The following CAPN15 variants were observed in gnomAD, a reference collection of about 807,000 sequenced individuals.
CAPN15 encodes the protein calpain-15.
CAPN15 carries 53 observed loss-of-function variants against 97.9 expected under a neutral mutation model. That is an observed-to-expected ratio of 0.54 (90% CI 0.43 to 0.68). The LOEUF (loss-of-function observed/expected upper bound fraction) is 0.68, where lower values mean the gene tolerates loss of function less well. Among genes scored for constraint, CAPN15 ranks in the 30% least tolerant of loss-of-function variants. CAPN15 has a pLI of 0.00. For missense variants in CAPN15, 1,592 were observed against 1,589.8 expected (o/e 1.00, Z -0.02); for synonymous variants, 922 against 722.5 (o/e 1.28, Z -4.43).
chr16:530,806 A>G (rs1418736015), intron 1 of CAPN15, among the ~76,000 whole-genome samples: 1 of 152,226 alleles, frequency 6.6e-6, no homozygotes, highest in African/African-American at 2.4e-5. Flanking sequence ...GAGCTGCGTC[A>G]GGCTGTTGCT....
In CAPN15 at chr16:536,013, C is replaced by A. The variant is rs963349983; in HGVS notation, c.-136-16C>A. 28 of 268,850 alleles carry A rather than the reference C, an allele frequency of 1.0e-4. 3 individuals are homozygous for A. The highest frequency in any genetic ancestry group is 5.8e-4 in the African/African-American group (17 of 29,324). 16.7% of individuals were successfully genotyped at this position (268,850 alleles called of 1,614,324 possible). The stretch of plus-strand genomic sequence containing the variant: ...ACAGTGCCCCTGCACGCCCCCCCCC[C>A]CCCCCGGTTATTCAGACAGGGAGCC... On this transcript the variant is annotated splice_polypyrimidine_tract_variant and intron_variant, in intron 2 of 13. Transcript: ENST00000219611.
intron 1 of CAPN15, among the ~76,000 whole-genome samples, chr16:529,640 G>A (rs1200088526): frequency 6.6e-6 from 1 of 152,104 alleles, no homozygotes; most frequent in Non-Finnish European, 1.5e-5. Context: ...TGGTGGCCGA[G>A]TTGCCCCTGG....
intron 4 of CAPN15, among the ~76,000 whole-genome samples, chr16:548,553 G>A (rs976623501): frequency 6.6e-6 from 1 of 152,262 alleles, no homozygotes; most frequent in African/African-American, 2.4e-5. Flanking sequence ...AGGGCCCCGA[G>A]CCCCGTCTGA....
At chr16:550,515 A>C (rs1055140503) in intron 7 of CAPN15, among the ~76,000 whole-genome samples, 12 of 152,206 alleles carry the variant, frequency 7.9e-5, no homozygotes, top group African/African-American at 2.9e-4. Flanking sequence ...CTTGGTGGCA[A>C]GGTCGCGGCC....
At chr16:549,863 C>A (rs762570880) in intron 7 of CAPN15, 25 bp downstream of exon 7, 34 of 1,526,724 alleles carry the variant, frequency 2.2e-5, no homozygotes, top group Non-Finnish European at 2.8e-5. Flanking sequence ...ACTGCGTGGT[C>A]AGCCGCGTTG....
At chr16:543,270 C>T (rs1474096796) in intron 3 of CAPN15, 1 of 154,690 alleles carries the variant, frequency 6.5e-6, no homozygotes, top group Non-Finnish European at 1.5e-5. Flanking sequence ...AGTTTCAGAC[C>T]TCGGGATGGC....
chr16:530,203 A>AC (rs1304676356), intron 1 of CAPN15, among the ~76,000 whole-genome samples: 1 of 152,166 alleles, frequency 6.6e-6, no homozygotes, highest in Admixed American at 6.5e-5. Context: ...CTGGCTCCCC[A>AC]CTGTGGGATC....
rs368119720 is a variant in CAPN15 at position 546,850 on chromosome 16, C to A, written c.12C>A (p.Val4=). 3.1e-6 allele frequency: 5 copies of A among 1,607,410 alleles called. No homozygotes were observed. The highest frequency in any genetic ancestry group is 2.7e-5 in the African/African-American group (2 of 74,906). The part of the protein sequence containing the change: MAT[V]GEWSCVRCTF... ...ACTCGCCCGGGTCTATGGCCACGGT[C>A]GGAGAGTGGTCCTGTGTGCGCTGCA... The change falls in exon 4 of 14, where the codon GTC becomes GTA. Residue 4 remains valine (V), a synonymous_variant. Coordinates refer to ENST00000219611, the MANE Select transcript of CAPN15 (RefSeq NM_005632.3).
chr16:539,302 G>A (rs564547769), intron 3 of CAPN15: 1 of 152,432 alleles, frequency 6.6e-6, no homozygotes, highest in East Asian at 1.9e-4. Context: ...AGCCTGCCGG[G>A]ACGCCATCTT....
intron 3 of CAPN15, among the ~76,000 whole-genome samples, chr16:544,134 G>A (rs979295879): frequency 3.3e-5 from 5 of 152,158 alleles, no homozygotes; most frequent in African/African-American, 7.2e-5. Context: ...GCTGACCGGC[G>A]CCGGGCTGTG....
intron 3 of CAPN15, 143 bp from the exon 4 acceptor site, chr16:546,674 G>C (rs1209318196): frequency 9.6e-6 from 11 of 1,143,552 alleles, no homozygotes; most frequent in Non-Finnish European, 1.3e-5. Context: ...CCCCACCGCC[G>C]CCTGCCTCAA....
Position 535,541 on chromosome 16 carries a change from C to T in CAPN15, c.-136-488C>T, listed in dbSNP as rs1302207863. Among the ~76,000 whole-genome samples the T allele has an allele frequency of 6.6e-6, 1 of 152,176 alleles. No homozygotes were observed. Among genetic ancestry groups the T allele is most frequent in the African/African-American group, 2.4e-5 (1 of 41,442 alleles). ...TTCTCTGAGGCTGGATCTAGGCCAC[C>T]GCCCCGTTTAAAACTAGGGCATCGG... On this transcript the variant is annotated intron_variant, in intron 2 of 13. Transcript: ENST00000219611. The surrounding 1 kb of genome is among the most constrained non-coding windows in gnomAD (Gnocchi z 6.2).
Position 554,322 on chromosome 16 carries a change from T to G in CAPN15, c.*806T>G, listed in dbSNP as rs940625353. ...ACCTCCCCACAGAAGCCCAGGAGTG[T>G]GTGGACGTCTGAGCCCAGCTTTCTG... is the stretch of plus-strand genomic sequence containing the variant. On this transcript the variant is annotated 3_prime_UTR_variant, in exon 14 of 14. Coordinates refer to ENST00000219611, the MANE Select transcript of CAPN15 (RefSeq NM_005632.3). 1 of 363,922 alleles carries G rather than the reference T, an allele frequency of 2.7e-6. No individual in the cohort carries two copies. The highest frequency in any genetic ancestry group is 2.1e-5 in the African/African-American group (1 of 46,816). 22.5% of individuals were successfully genotyped at this position (363,922 alleles called of 1,614,324 possible).
chr16:533,084 G>A lies in CAPN15; in HGVS notation c.-189-862G>A, dbSNP rs571722345. Among the ~76,000 whole-genome samples the A allele has an allele frequency of 9.2e-5, 14 of 152,124 alleles. No homozygotes were observed. In the South Asian group the frequency reaches 1.2e-3, roughly 14 times the overall value. Reference sequence around the variant, plus strand: ...AAAAATACAAAAATTAGCTGGGCACGGTGGCGGGCGCCTGTAATCCGAGCT... The same window carrying A: ...AAAAATACAAAAATTAGCTGGGCACAGTGGCGGGCGCCTGTAATCCGAGCT... On this transcript the variant is annotated intron_variant, in intron 1 of 13. Coordinates refer to ENST00000219611, the MANE Select transcript of CAPN15 (RefSeq NM_005632.3).
chr16:535,893 G>A lies in CAPN15; in HGVS notation c.-136-136G>A. 6.2e-6 allele frequency: 1 copy of A among 160,758 alleles called. No individual in the cohort carries two copies. The highest frequency in any genetic ancestry group is 1.3e-5 in the Non-Finnish European group (1 of 75,876). 10.0% of individuals were successfully genotyped at this position (160,758 alleles called of 1,614,324 possible). On this transcript the variant is annotated intron_variant, in intron 2 of 13. Coordinates refer to ENST00000219611, the MANE Select transcript of CAPN15 (RefSeq NM_005632.3). This position sits in a 1 kb window ranked among gnomAD's most constrained non-coding sequence, Gnocchi z 6.2. ...GCCCTACAGGAGCAGCAGCGGCCCAGGGCATGTCCCTGGGGTCAGGGGTCA... is the reference window on the plus strand; with the variant it reads ...GCCCTACAGGAGCAGCAGCGGCCCAAGGCATGTCCCTGGGGTCAGGGGTCA...
rs1346714170 is a variant in CAPN15, at chr16:551,498, C to T, written c.2193-14C>T. 1.4e-5 allele frequency: 23 copies of T among 1,607,308 alleles called. No individual in the cohort carries two copies. Among genetic ancestry groups the T allele is most frequent in the Middle Eastern group, 1.6e-4 (1 of 6,066 alleles). Reference sequence around the variant, plus strand: ...GGGCAGTGTGGTTCAGATCCTCACCCCTGTGGTCTGCAGGCTTCTGCGGCT... The same window carrying T: ...GGGCAGTGTGGTTCAGATCCTCACCTCTGTGGTCTGCAGGCTTCTGCGGCT... On this transcript the variant is annotated splice_polypyrimidine_tract_variant and intron_variant, in intron 8 of 13. Coordinates refer to ENST00000219611, the MANE Select transcript of CAPN15 (RefSeq NM_005632.3).
At chr16:537,976 C>T (rs574010006) in intron 3 of CAPN15, 10 of 152,376 alleles carry the variant, frequency 6.6e-5, no homozygotes, top group African/African-American at 2.4e-4. Flanking sequence ...TGGATGTCTC[C>T]GTCATGTTTT....
intron 1 of CAPN15, among the ~76,000 whole-genome samples, chr16:530,226 T>G (rs947187129): frequency 2.0e-5 from 3 of 152,218 alleles, no homozygotes; most frequent in Non-Finnish European, 2.9e-5. Flanking sequence ...CCTGCAGCAC[T>G]TACACTTGGG....
Position 547,571 on chromosome 16 carries a change from CCG to C in CAPN15, c.737_738del (p.Arg246GlnfsTer15). Reference sequence around the variant, plus strand: ...GTCCACCCTGCAGAACAACCCCGTGCCGCGCAGCCGACGCGAGGTTCCCCCCC... The same window carrying C: ...GTCCACCCTGCAGAACAACCCCGTGCCGCAGCCGACGCGAGGTTCCCCCCC... ...FSSTLQNNPVPRSRREVPPQL... is the reference protein window; with the variant it reads ...FSSTLQNNPVXRSRREVPPQL... On this transcript the variant is annotated frameshift_variant, in exon 4 of 14. Coordinates refer to ENST00000219611, the MANE Select transcript of CAPN15 (RefSeq NM_005632.3). LOFTEE classifies it high-confidence loss of function. 6.3e-7 allele frequency: 1 copy of C among 1,585,818 alleles called. No homozygotes were observed. Among genetic ancestry groups the C allele is most frequent in the Non-Finnish European group, 8.5e-7 (1 of 1,169,936 alleles).
Sources: gnomAD v4.1 joint callset for allele counts (sites outside exome capture counted in the v4.1 genomes callset) on GRCh38, gnomAD v4.1.1 for gene constraint, Gnocchi (gnomAD v3.1) non-coding constraint, MANE v1.5 for transcripts, NCBI Gene and HGNC (gene_info 2026-07-23, HGNC 2026-07-21) for gene names.